TRPM1: variants seen among roughly 807,000 people sequenced by gnomAD.
TRPM1 encodes the protein TRPM1-203 APA Isoform, Intron 10.
TRPM1 carries 113 observed loss-of-function variants against 149.4 expected under a neutral mutation model. The observed-to-expected ratio is 0.76, with a 90% confidence interval of 0.65 to 0.88. The LOEUF (loss-of-function observed/expected upper bound fraction) is 0.88, where lower values mean the gene tolerates loss of function less well. Ranked by LOEUF, TRPM1 falls within the 40% of genes least tolerant of loss-of-function variation. TRPM1 has a pLI of 0.00. For missense variants in TRPM1, 1,976 were observed against 2,038.7 expected (o/e 0.97, Z 0.59); for synonymous variants, 741 against 759.5 (o/e 0.98, Z 0.40).
At position 31,070,150 on chromosome 15, in the gene TRPM1, T is replaced by G. The variant is rs1214600780; in HGVS notation, c.160A>C (p.Ser54Arg). 6.2e-7 allele frequency: 1 copy of G among 1,613,950 alleles called. No homozygotes were observed. The highest frequency in any genetic ancestry group is 1.3e-5 in the African/African-American group (1 of 74,904). ...TCAGGCTGAGTCTCCACCTGTTTGC[T>G]TTCCTCTTCATTTTTGCTGGGTGTT... ...SATPSKNEEE[S>R]KQVETQPEKW... Residue 54 changes from serine (S) to arginine (R), a missense_variant, in exon 4 of 28, where the codon AGC becomes CGC. Transcript: ENST00000256552.
upstream of TRPM1, chr15:31,101,785 A>T (rs1257156825): frequency 1.1e-6 from 1 of 938,458 alleles, no homozygotes. Context: ...GCATGTGAGC[A>T]CTTGGGCCTG....
chr15:31,159,906 T>C (rs1006496450), intron 1 of TRPM1, among the ~76,000 whole-genome samples: 3 of 152,060 alleles, frequency 2.0e-5, no homozygotes, highest in African/African-American at 7.2e-5. Flanking sequence ...AGCTCTGGGG[T>C]ACTGGTGGGC....
intron 2 of TRPM1, 70 bp downstream of exon 2, chr15:31,081,283 A>C: frequency 1.4e-6 from 1 of 693,066 alleles, no homozygotes; most frequent in Non-Finnish European, 2.2e-6. Context: ...TAAAAACGCT[A>C]GCATGTGACT....
Position 31,067,109 on chromosome 15 carries a change from G to A in TRPM1, c.572C>T (p.Ala191Val), listed in dbSNP as rs1050951529. ...CTTATTCTCCACGATGCCCCATGGAGCAATTCCTATAGCACAAACCCGGCC... is the reference window on the plus strand; with the variant it reads ...CTTATTCTCCACGATGCCCCATGGAACAATTCCTATAGCACAAACCCGGCC... Reference protein sequence around the residue: ...SRGRVCAIGIAPWGIVENKED... With the variant: ...SRGRVCAIGIVPWGIVENKED... The change falls in exon 6 of 28, where the codon GCT (alanine) becomes GTT (valine). Residue 191 changes from alanine (A) to valine (V), a missense_variant. Coordinates refer to ENST00000256552, the MANE Select transcript of TRPM1 (RefSeq NM_001252024.2). The A allele has an allele frequency of 3.7e-6, 6 of 1,614,156 alleles. No homozygotes were observed. The highest frequency in any genetic ancestry group is 3.3e-5 in the South Asian group (3 of 91,056).
rs553537835 is a variant in TRPM1 at position 31,149,142 on chromosome 15, A to G, written c.54+11764T>C. On this transcript the variant is annotated intron_variant, in intron 1 of 26. Coordinates refer to the TRPM1 transcript ENST00000542188. The stretch of plus-strand genomic sequence containing the variant: ...ATGTCCCAGATCTACGTGGAAGGGA[A>G]CTGAGGGCTGGGGAGGCCAGGCAAG... 5.9e-5 allele frequency among the ~76,000 whole-genome samples: 9 copies of G among 152,320 alleles called. No homozygotes were observed. In the South Asian group the frequency reaches 1.9e-3, roughly 32 times the overall value.
chr15:31,125,511 A>G (rs2035936189), intron 1 of TRPM1, among the ~76,000 whole-genome samples: 1 of 151,454 alleles, frequency 6.6e-6, no homozygotes, highest in Non-Finnish European at 1.5e-5. Context: ...CGGGCGGATC[A>G]CGAGGTCAGG....
chr15:31,109,981 A>G (rs774899220), intron 1 of TRPM1, among the ~76,000 whole-genome samples: 2 of 152,206 alleles, frequency 1.3e-5, no homozygotes, highest in South Asian at 2.1e-4. Context: ...AGTTTTGTGA[A>G]TCCTGATCTG....
intron 1 of TRPM1, among the ~76,000 whole-genome samples, chr15:31,152,537 G>A (rs574345622): frequency 6.6e-6 from 1 of 152,312 alleles, no homozygotes; most frequent in South Asian, 2.1e-4. Flanking sequence ...AAGTTAACCT[G>A]AAAAACTAGT....
chr15:31,143,703 G>A (rs1596100114), intron 1 of TRPM1, among the ~76,000 whole-genome samples: 1 of 151,586 alleles, frequency 6.6e-6, no homozygotes, highest in East Asian at 1.9e-4. Context: ...ATGAGTCATT[G>A]TGCCCAGCCT....
chr15:31,131,874 C>G (rs367868293), intron 1 of TRPM1, among the ~76,000 whole-genome samples: 42 of 151,500 alleles, frequency 2.8e-4, no homozygotes, highest in African/African-American at 9.7e-4. Context: ...TAGTTCCTAC[C>G]ACTTTTATTT....
At chr15:31,072,809 T>C (rs1004652209) in intron 3 of TRPM1, among the ~76,000 whole-genome samples, 1 of 152,196 alleles carries the variant, frequency 6.6e-6, no homozygotes. Context: ...TGACTATTTG[T>C]GTATCTTCTT....
chr15:31,084,420 T>G lies in TRPM1; in HGVS notation c.-83-2982A>C, dbSNP rs147508487. Among the ~76,000 whole-genome samples the G allele has an allele frequency of 1.8e-4, 28 of 152,234 alleles. 1 individual carries two copies. The East Asian group carries it at 4.4e-3, about 24-fold the overall frequency. On this transcript the variant is annotated intron_variant, in intron 1 of 27. Transcript: ENST00000256552. ...CAAATCCACTTTCTGTCTCTATGGA[T>G]TTGCCTATTCTGGGCACTCTATATG...
chr15:31,123,538 A>G (rs1458702583), intron 1 of TRPM1, among the ~76,000 whole-genome samples: 1 of 152,240 alleles, frequency 6.6e-6, no homozygotes, highest in Non-Finnish European at 1.5e-5. Flanking sequence ...ACCTCACCGA[A>G]GAAGATATAC....
chr15:31,029,734 G>A (rs997149383), intron 23 of TRPM1, among the ~76,000 whole-genome samples: 1 of 152,030 alleles, frequency 6.6e-6, no homozygotes, highest in South Asian at 2.1e-4. Flanking sequence ...CCAATCACGC[G>A]CTCCCTATAT....
intron 1 of TRPM1, among the ~76,000 whole-genome samples, chr15:31,138,700 AC>A (rs2141050044): frequency 6.7e-6 from 1 of 148,982 alleles, no homozygotes; most frequent in Non-Finnish European, 1.5e-5. Context: ...TCTATTTACA[AC>A]TAAATAAATA....
At chr15:31,098,167 G>A (rs568241880) in intron 1 of TRPM1, among the ~76,000 whole-genome samples, 1 of 152,302 alleles carries the variant, frequency 6.6e-6, no homozygotes, top group South Asian at 2.1e-4. Flanking sequence ...CGGGCGTGGT[G>A]GCTCACGCCT....
intron 1 of TRPM1, among the ~76,000 whole-genome samples, chr15:31,132,873 T>A (rs1596093014): frequency 6.6e-6 from 1 of 152,244 alleles, no homozygotes; most frequent in African/African-American, 2.4e-5. Flanking sequence ...TCTTGCCTGC[T>A]GCTATGTAAG....
chr15:31,017,259 A>C (rs1485975122), intron 27 of TRPM1, among the ~76,000 whole-genome samples: 1 of 152,188 alleles, frequency 6.6e-6, no homozygotes, highest in Non-Finnish European at 1.5e-5. Context: ...CAGTGAGCCG[A>C]GATCACGCCA....
intron 27 of TRPM1, among the ~76,000 whole-genome samples, chr15:31,007,895 C>T (rs763107855): frequency 1.3e-5 from 2 of 152,226 alleles, no homozygotes; most frequent in South Asian, 2.1e-4. Flanking sequence ...AGATCCCATA[C>T]GTATTTTACG....
Sources: gnomAD v4.1 joint callset for allele counts (sites outside exome capture counted in the v4.1 genomes callset) on GRCh38, gnomAD v4.1.1 for gene constraint, MANE v1.5 for transcripts, NCBI Gene and HGNC (gene_info 2026-07-23, HGNC 2026-07-21) for gene names.